EDA: variants seen among roughly 807,000 people sequenced by gnomAD.
The protein encoded by EDA is ectodysplasin A.
Under a neutral mutation model 23.6 loss-of-function variants are expected in EDA, and 2 were observed. The ratio of observed to expected loss-of-function variants is 0.08; its 90% confidence interval spans 0.03 to 0.27. EDA has a LOEUF of 0.27. Among genes scored for constraint, EDA ranks in the 10% least tolerant of loss-of-function variants. The probability of loss-of-function intolerance (pLI) is 1.00; values close to 1 mark genes in which losing one functional copy is unlikely to be tolerated. For missense variants in EDA, 229 were observed against 324.2 expected (o/e 0.71, Z 2.26); for synonymous variants, 131 against 132.0 (o/e 0.99, Z 0.05).
intron 2 of EDA, among the ~76,000 whole-genome samples, chrX:69,964,889 C>G (rs2019153391): frequency 8.9e-6 from 1 of 111,852 alleles, no homozygotes; most frequent in South Asian, 3.7e-4. Context: ...CTACAGCTTC[C>G]TTTTTTAAAA....
At chrX:69,700,450 G>T (rs1293393895) in intron 1 of EDA, among the ~76,000 whole-genome samples, 3 of 111,896 alleles carry the variant, frequency 2.7e-5, no homozygotes, top group Non-Finnish European at 3.8e-5. Context: ...AAGTATATGG[G>T]TTAGGAACTA....
chrX:69,619,276 A>G lies in EDA; in HGVS notation c.396+2572A>G, dbSNP rs533270306. Among the ~76,000 whole-genome samples the G allele has an allele frequency of 5.3e-5, 6 of 112,171 alleles. No homozygotes were observed. In the South Asian group the frequency reaches 2.2e-3, roughly 42 times the overall value. ...ATCTGTAAGGAGTGAAGGCAAGCTG[A>G]TGAGAGTAAACTGCAGGAAGCTCTC... On this transcript the variant is annotated intron_variant, in intron 1 of 7. Coordinates refer to ENST00000374552, the MANE Select transcript of EDA (RefSeq NM_001399.5).
At chrX:69,771,742 A>G (rs958861041) in intron 1 of EDA, among the ~76,000 whole-genome samples, 1 of 111,962 alleles carries the variant, frequency 8.9e-6, no homozygotes, top group Non-Finnish European at 1.9e-5. Context: ...TTTCTGGGTT[A>G]TGTATTCTGT....
intron 1 of EDA, among the ~76,000 whole-genome samples, chrX:69,676,698 T>G (rs1488299678): frequency 9.0e-6 from 1 of 111,415 alleles, no homozygotes; most frequent in East Asian, 2.8e-4. Context: ...CTTTATAAAG[T>G]GAGGCACTAA....
intron 1 of EDA, among the ~76,000 whole-genome samples, chrX:69,954,428 G>C (rs749385226): frequency 7.0e-4 from 78 of 111,172 alleles, no homozygotes; most frequent in Admixed American, 1.8e-3. Context: ...AGAACTTGAA[G>C]CTCCTCTCCA....
intron 1 of EDA, among the ~76,000 whole-genome samples, chrX:69,868,640 C>T (rs749946571): frequency 3.6e-5 from 4 of 112,096 alleles, no homozygotes; most frequent in African/African-American, 1.3e-4. Context: ...AAGAGAAAAG[C>T]GATCAGGGTC....
chrX:69,767,749 A>G (rs148482764), intron 1 of EDA, among the ~76,000 whole-genome samples: 1 of 111,930 alleles, frequency 8.9e-6, no homozygotes, highest in East Asian at 2.8e-4. Flanking sequence ...GCTGGGATAT[A>G]TGGCAGGTGT....
At chrX:69,924,430 T>C (rs1353841199) in intron 1 of EDA, among the ~76,000 whole-genome samples, 1 of 112,472 alleles carries the variant, frequency 8.9e-6, no homozygotes, top group Non-Finnish European at 1.9e-5. Context: ...CCTCTTTTTG[T>C]CAGGCTTGTC....
intron 1 of EDA, among the ~76,000 whole-genome samples, chrX:69,868,628 AG>A (rs756651351): frequency 8.9e-6 from 1 of 112,479 alleles, no homozygotes; most frequent in East Asian, 2.8e-4. Flanking sequence ...GATATCTTGC[AG>A]AAGAGAAAAG....
rs751661270 is a variant in EDA, at chrX:69,788,498, T to C, written c.397-168529T>C. Among the ~76,000 whole-genome samples, 634 of 111,979 alleles carry C rather than the reference T, an allele frequency of 5.7e-3. 15 individuals carry two copies. Among genetic ancestry groups the C allele is most frequent in the Admixed American group, 0.044 (456 of 10,457 alleles). Reference sequence around the variant, plus strand: ...GTGGCTGTCCTTTCTGTTTGTTAGTTTTCCTTCTAACAGACAGGACCCTCA... The same window carrying C: ...GTGGCTGTCCTTTCTGTTTGTTAGTCTTCCTTCTAACAGACAGGACCCTCA... On this transcript the variant is annotated intron_variant, in intron 1 of 7. Transcript: ENST00000374552.
At chrX:69,719,219 TG>T (rs1380961080) in intron 1 of EDA, among the ~76,000 whole-genome samples, 3 of 88,470 alleles carry the variant, frequency 3.4e-5, no homozygotes, top group Non-Finnish European at 7.8e-5. Context: ...TCAATTGTAT[TG>T]TTTTTTTTTT....
chrX:69,750,979 G>C (rs370435591), intron 1 of EDA, among the ~76,000 whole-genome samples: 31,059 of 107,901 alleles, frequency 0.29, 4,717 homozygotes, highest in Middle Eastern at 0.55. Flanking sequence ...TAGGTTCCCT[G>C]TTCACTCTGA....
chrX:69,673,857 G>C (rs1933990484), intron 1 of EDA, among the ~76,000 whole-genome samples: 1 of 111,465 alleles, frequency 9.0e-6, no homozygotes, highest in African/African-American at 3.3e-5. Flanking sequence ...AGAGCTCTCA[G>C]AGTGGATATA....
Position 69,616,448 on chromosome X carries a change from T to C in EDA, c.140T>C (p.Phe47Ser), listed in dbSNP as rs759382712. ...AGCTGCCTGCTCTTCCTGGGTTTCT[T>C]TGGCCTCTCGCTGGCCCTCCACCTG... Reference protein sequence around the residue: ...GNSCLLFLGFFGLSLALHLLT... With the variant: ...GNSCLLFLGFSGLSLALHLLT... The change falls in exon 1 of 8, where the codon TTT becomes TCT. Residue 47 changes from phenylalanine to serine, a missense_variant. Coordinates refer to ENST00000374552, the MANE Select transcript of EDA (RefSeq NM_001399.5). 7 of 1,211,863 alleles carry C rather than the reference T, an allele frequency of 5.8e-6. No individual in the cohort carries two copies. Among genetic ancestry groups the C allele is most frequent in the Non-Finnish European group, 7.8e-6 (7 of 895,428 alleles).
At chrX:69,661,343 T>G (rs1488576435) in intron 1 of EDA, among the ~76,000 whole-genome samples, 2 of 103,749 alleles carry the variant, frequency 1.9e-5, no homozygotes, top group African/African-American at 7.2e-5. Flanking sequence ...AGAAGCTCTT[T>G]AGTTTAATTA....
chrX:70,000,408 G>A (rs770976627), intron 2 of EDA, among the ~76,000 whole-genome samples: 1 of 112,328 alleles, frequency 8.9e-6, no homozygotes, highest in Non-Finnish European at 1.9e-5. Context: ...TACAAATATG[G>A]TACTAGCATA....
intron 1 of EDA, among the ~76,000 whole-genome samples, chrX:69,828,844 A>G (rs142902008): frequency 2.7e-5 from 3 of 112,421 alleles, no homozygotes; most frequent in African/African-American, 9.7e-5. Context: ...AGATTGTTAC[A>G]CCATTTTGTC....
intron 1 of EDA, among the ~76,000 whole-genome samples, chrX:69,715,012 A>G (rs1288155626): frequency 9.1e-6 from 1 of 110,120 alleles, no homozygotes; most frequent in Non-Finnish European, 1.9e-5. Context: ...CTTCCAATCA[A>G]TGAACACAAT....
chrX:69,856,920 G>A (rs1479156418), intron 1 of EDA, among the ~76,000 whole-genome samples: 1 of 111,805 alleles, frequency 8.9e-6, no homozygotes, highest in Non-Finnish European at 1.9e-5. Flanking sequence ...TTGCTTTTGG[G>A]TTTTTGGTCA....
Sources: allele counts gnomAD v4.1 joint callset (sites outside exome capture counted in the v4.1 genomes callset), GRCh38; gene constraint gnomAD v4.1.1; transcripts MANE v1.5; gene names NCBI Gene and HGNC (gene_info 2026-07-23, HGNC 2026-07-21).